Variants in CCDC144A observed in about 807,000 individuals in gnomAD.
The protein encoded by CCDC144A is coiled-coil domain containing 144A.
In CCDC144A, 41 loss-of-function variants were observed where a neutral mutation model predicts 143.8. That is an observed-to-expected ratio of 0.29 (90% CI 0.22 to 0.37). The LOEUF is 0.37. CCDC144A is among the 10% of genes least tolerant of loss of function. CCDC144A has a pLI of 1.00. For synonymous variants in CCDC144A, 242 were observed against 517.9 expected (o/e 0.47, Z 7.23); for missense variants, 637 against 1,488.8 (o/e 0.43, Z 9.41).
chr17:16,761,718 G>C lies in CCDC144A; in HGVS notation c.3666G>C (p.Gln1222His). 6.2e-7 allele frequency: 1 copy of C among 1,606,920 alleles called. No individual in the cohort carries two copies. The highest frequency in any genetic ancestry group is 8.5e-7 in the Non-Finnish European group (1 of 1,178,548). Residue 1222 changes from glutamine (Q) to histidine (H), a missense_variant and splice_region_variant, in exon 13 of 17, where the codon CAG becomes CAC. Physicochemically the swap from Gln to His is conservative, Grantham distance 24 (BLOSUM62 0). Coordinates refer to ENST00000399273, the MANE Select transcript of CCDC144A (RefSeq NM_001382000.1). The stretch of plus-strand genomic sequence containing the variant: ...TAAACGAAGCCATTCTCACCTTGCA[G>C]GTTGGTTTATTTATCTGTAATGTGC... ...EKLNEAILTL[Q>H]KQAAVSHEQL...
At chr17:16,698,449 A>G (rs564987382) in intron 2 of CCDC144A, among the ~76,000 whole-genome samples, 1 of 152,308 alleles carries the variant, frequency 6.6e-6, no homozygotes, top group South Asian at 2.1e-4. Context: ...CTGATGTTCA[A>G]ATGTGGAAGA....
At chr17:16,696,469 A>G (rs148794737) in intron 2 of CCDC144A, among the ~76,000 whole-genome samples, 5,080 of 144,394 alleles carry the variant, frequency 0.035, 245 homozygotes, top group African/African-American at 0.084. Flanking sequence ...TCTCTACTAA[A>G]AATACACATG....
At chr17:16,670,277 T>G in the CCDC144A span, among the ~76,000 whole-genome samples, 5 of 149,048 alleles carry the variant, frequency 3.4e-5, no homozygotes, top group Admixed American at 6.7e-5. Context: ...AATAATCTTG[T>G]GTTTTTCTTT....
chr17:16,732,570 A>C lies in CCDC144A; in HGVS notation c.2322A>C (p.Gln774His), dbSNP rs1025350762. 33 of 1,610,640 alleles carry C rather than the reference A, an allele frequency of 2.0e-5. No homozygotes were observed. Among genetic ancestry groups the C allele is most frequent in the Non-Finnish European group, 2.6e-5 (31 of 1,178,820 alleles). ...AGGAGAGAAACGATGCCCAGAAGCA[A>C]CTTTCTGAAGAACAGGATGCCAGAA... The part of the protein sequence containing the change: ...VVQERNDAQK[Q>H]LSEEQDARIL... The change falls in exon 11 of 17, where the codon CAA becomes CAC. Residue 774 changes from glutamine to histidine, a missense_variant. Coordinates refer to ENST00000399273, the MANE Select transcript of CCDC144A (RefSeq NM_001382000.1).
chr17:16,773,418 A>G, intron 16 of CCDC144A, 79 bp from the exon 17 acceptor site: 1 of 1,492,424 alleles, frequency 6.7e-7, no homozygotes, highest in East Asian at 2.5e-5. Context: ...ATGGCACTCC[A>G]GCATAGGTGA....
At position 16,746,433 on chromosome 17, in the gene CCDC144A, T is replaced by C; in HGVS notation, c.3372+10790T>C. ...TATTCCAAAAGAGGTGTGGTTCTTC[T>C]AGCAATGAGCTCTCTTGTCTTCGCC... On this transcript the variant is annotated intron_variant, in intron 12 of 16. Transcript: ENST00000399273. 1.9e-6 allele frequency: 3 copies of C among 1,606,696 alleles called. No individual in the cohort carries two copies. The Admixed American group carries it at 5.0e-5, about 27-fold the overall frequency.
chr17:16,689,160 CT>C (rs1910900677), upstream of CCDC144A, among the ~76,000 whole-genome samples: 1 of 151,882 alleles, frequency 6.6e-6, no homozygotes, highest in South Asian at 2.1e-4. Flanking sequence ...TTCTTCCTTC[CT>C]TCTTTCCTTC....
chr17:16,725,645 G>A (rs1281716352), intron 8 of CCDC144A, among the ~76,000 whole-genome samples: 2 of 151,250 alleles, frequency 1.3e-5, no homozygotes, highest in Non-Finnish European at 2.9e-5. Flanking sequence ...GGAGGGGGGT[G>A]AGGGACAAAA....
At chr17:16,768,503 A>G (rs2143402726) in intron 15 of CCDC144A, among the ~76,000 whole-genome samples, 1 of 152,328 alleles carries the variant, frequency 6.6e-6, no homozygotes, top group Non-Finnish European at 1.5e-5. Flanking sequence ...GGCCTGCGTT[A>G]GTGAGACCTG....
the CCDC144A span, chr17:16,667,226 C>CGGCTGAGA: frequency 6.0e-3 from 1,227 of 204,282 alleles, 5 homozygotes; most frequent in Middle Eastern, 9.6e-3. Flanking sequence ...GCGGCGGGGG[C>CGGCTGAGA]GGCTGAGAGG....
At chr17:16,697,167 A>G (rs544271360) in intron 2 of CCDC144A, among the ~76,000 whole-genome samples, 13 of 152,128 alleles carry the variant, frequency 8.5e-5, no homozygotes, top group Non-Finnish European at 1.8e-4. Context: ...GGAGACAGCA[A>G]TGTTTACTGT....
chr17:16,678,315 C>G, the CCDC144A span, among the ~76,000 whole-genome samples: 1 of 151,988 alleles, frequency 6.6e-6, no homozygotes, highest in South Asian at 2.1e-4. Flanking sequence ...AAGGGAAATT[C>G]CAGGCACCCA....
chr17:16,756,964 T>C (rs1200583522), intron 12 of CCDC144A, among the ~76,000 whole-genome samples: 3 of 152,244 alleles, frequency 2.0e-5, no homozygotes, highest in African/African-American at 7.2e-5. Flanking sequence ...GGTGAGGCCT[T>C]GATGGTGATG....
chr17:16,685,168 G>A (rs1018327543), upstream of CCDC144A, among the ~76,000 whole-genome samples: 18 of 151,230 alleles, frequency 1.2e-4, no homozygotes, highest in Admixed American at 3.3e-4. Flanking sequence ...CTGGGATTGC[G>A]GGCATATGCC....
chr17:16,758,135 G>C (rs1277215108), intron 12 of CCDC144A, among the ~76,000 whole-genome samples: 1 of 152,250 alleles, frequency 6.6e-6, no homozygotes, highest in Admixed American at 6.5e-5. Flanking sequence ...ATTAAGGAAT[G>C]TATAGACGTG....
chr17:16,714,424 G>A (rs1348950647), intron 6 of CCDC144A, among the ~76,000 whole-genome samples: 1 of 152,092 alleles, frequency 6.6e-6, no homozygotes, highest in African/African-American at 2.4e-5. Context: ...CCCTCACATG[G>A]TCTTTCCTAC....
At chr17:16,718,185 G>C (rs1314334715) in intron 6 of CCDC144A, among the ~76,000 whole-genome samples, 22 of 152,364 alleles carry the variant, frequency 1.4e-4, no homozygotes, top group East Asian at 7.7e-4. Context: ...GGAGCAGTTT[G>C]AATAAATAAT....
Position 16,697,148 on chromosome 17 carries a change from A to G in CCDC144A, c.415+4099A>G, listed in dbSNP as rs571312176. On this transcript the variant is annotated intron_variant, in intron 2 of 16. Transcript: ENST00000399273. Reference sequence around the variant, plus strand: ...CAGCAAGACAGAACAGGGAATCGCTATTGGGTAGGGAGACAGCAATGTTTA... The same window carrying G: ...CAGCAAGACAGAACAGGGAATCGCTGTTGGGTAGGGAGACAGCAATGTTTA... 3.3e-5 allele frequency among the ~76,000 whole-genome samples: 5 copies of G among 152,218 alleles called. No individual in the cohort carries two copies. The East Asian group carries it at 9.7e-4, about 29-fold the overall frequency.
intron 2 of CCDC144A, among the ~76,000 whole-genome samples, chr17:16,698,659 A>G (rs1430902830): frequency 1.3e-5 from 2 of 152,134 alleles, no homozygotes; most frequent in East Asian, 1.9e-4. Context: ...CAAGTCCTTG[A>G]TAGGCTCTTC....
Sources: gnomAD v4.1 joint callset for allele counts (sites outside exome capture counted in the v4.1 genomes callset) on GRCh38, gnomAD v4.1.1 for gene constraint, MANE v1.5 for transcripts, NCBI Gene and HGNC (gene_info 2026-07-23, HGNC 2026-07-21) for gene names.